Variants in ANK1 observed in about 807,000 individuals in gnomAD.
ANK1 encodes the protein ankyrin 1.
ANK1 carries 51 observed loss-of-function variants against 210.4 expected under a neutral mutation model. The observed-to-expected ratio is 0.24, with a 90% confidence interval of 0.19 to 0.31. ANK1 has a LOEUF of 0.31. Among genes scored for constraint, ANK1 ranks in the 10% least tolerant of loss-of-function variants. The probability of loss-of-function intolerance (pLI) is 1.00; values close to 1 mark genes in which losing one functional copy is unlikely to be tolerated. For missense variants in ANK1, 2,051 were observed against 2,504.4 expected (o/e 0.82, Z 3.86); for synonymous variants, 967 against 1,025.9 (o/e 0.94, Z 1.10).
At chr8:41,821,199 G>A (rs1218208281) in intron 1 of ANK1, among the ~76,000 whole-genome samples, 2 of 152,124 alleles carry the variant, frequency 1.3e-5, no homozygotes, top group Non-Finnish European at 2.9e-5. Flanking sequence ...AGCCCCATCA[G>A]TCTACAAAAT....
chr8:41,779,599 G>A (rs1409057476), intron 1 of ANK1, among the ~76,000 whole-genome samples: 1 of 151,196 alleles, frequency 6.6e-6, no homozygotes, highest in Non-Finnish European at 1.5e-5. Context: ...CACTGGTGGA[G>A]GAACAAAAGA....
intron 24 of ANK1, 23 bp from the exon 25 acceptor site, chr8:41,696,796 C>A (rs1431976399): frequency 1.3e-6 from 2 of 1,587,294 alleles, no homozygotes; most frequent in Non-Finnish European, 1.7e-6. Flanking sequence ...AAAGGGTCCT[C>A]CTGTCCCACC....
chr8:41,715,430 G>T (rs745925731), intron 14 of ANK1, among the ~76,000 whole-genome samples: 4 of 152,248 alleles, frequency 2.6e-5, no homozygotes, highest in Non-Finnish European at 5.9e-5. Context: ...ATGTATGAAG[G>T]CTGGCTGGGT....
At chr8:41,695,837 T>C (rs1210879849) in intron 26 of ANK1, among the ~76,000 whole-genome samples, 2 of 152,172 alleles carry the variant, frequency 1.3e-5, no homozygotes, top group African/African-American at 4.8e-5. Context: ...AACACACCCA[T>C]GGTGCCTGAG....
intron 3 of ANK1, among the ~76,000 whole-genome samples, chr8:41,730,833 C>T (rs1832018502): frequency 6.6e-6 from 1 of 152,204 alleles, no homozygotes; most frequent in Non-Finnish European, 1.5e-5. Context: ...CCACATGCTT[C>T]CTGGGCATAA....
At chr8:41,663,117 T>C (rs1388556460) in intron 40 of ANK1, among the ~76,000 whole-genome samples, 1 of 145,912 alleles carries the variant, frequency 6.9e-6, no homozygotes, top group Non-Finnish European at 1.5e-5. Context: ...TCTCTCTCTG[T>C]GTGTGTGTGT....
At chr8:41,673,825 A>G (rs1251178892) in intron 37 of ANK1, among the ~76,000 whole-genome samples, 1 of 152,156 alleles carries the variant, frequency 6.6e-6, no homozygotes, top group African/African-American at 2.4e-5. Flanking sequence ...ACTAGAAGAC[A>G]AGATTCTCCA....
At chr8:41,730,741 C>T (rs2150667954) in intron 3 of ANK1, among the ~76,000 whole-genome samples, 1 of 152,330 alleles carries the variant, frequency 6.6e-6, no homozygotes, top group African/African-American at 2.4e-5. Context: ...CTTTTCTAGA[C>T]ACCAGGACGC....
chr8:41,739,068 C>A (rs1397937456), intron 2 of ANK1, among the ~76,000 whole-genome samples: 2 of 152,244 alleles, frequency 1.3e-5, no homozygotes, highest in Non-Finnish European at 1.5e-5. Context: ...CCTACAGATA[C>A]TGCCTTCTGG....
chr8:41,893,921 T>A (rs1439724952), intron 1 of ANK1, among the ~76,000 whole-genome samples: 2 of 152,196 alleles, frequency 1.3e-5, no homozygotes, highest in Non-Finnish European at 2.9e-5. Flanking sequence ...ACCTTTGAGT[T>A]AGCCCTAGGC....
intron 17 of ANK1, among the ~76,000 whole-genome samples, chr8:41,706,732 C>T (rs902494971): frequency 6.6e-6 from 1 of 152,188 alleles, no homozygotes; most frequent in Non-Finnish European, 1.5e-5. Context: ...TAGGGGTTAT[C>T]ATGGATCCAT....
chr8:41,832,874 A>G lies in ANK1; in HGVS notation c.126+63481T>C, dbSNP rs1806939356. 3.3e-5 allele frequency among the ~76,000 whole-genome samples: 5 copies of G among 152,202 alleles called. No individual in the cohort carries two copies. The South Asian group carries it at 8.3e-4, about 25-fold the overall frequency. ...GCCTATGGTCACCACACCAGAAGGT[A>G]ATCCATTACATCTCAGTAACTGTAG... On this transcript the variant is annotated intron_variant, in intron 1 of 42. Coordinates refer to the ANK1 transcript ENST00000265709.
intron 2 of ANK1, among the ~76,000 whole-genome samples, chr8:41,744,430 A>C (rs1246322533): frequency 1.3e-5 from 2 of 152,130 alleles, no homozygotes; most frequent in Non-Finnish European, 2.9e-5. Flanking sequence ...ATCAATTACA[A>C]AGGGAAAAGC....
intron 1 of ANK1, among the ~76,000 whole-genome samples, chr8:41,802,993 G>GAA (rs1850172706): frequency 1.8e-4 from 12 of 66,682 alleles, no homozygotes; most frequent in South Asian, 6.8e-4. Context: ...AAGAGAGAAA[G>GAA]AGAGAAAGAA....
At chr8:41,750,903 T>C (rs977308281) in intron 2 of ANK1, among the ~76,000 whole-genome samples, 2 of 152,190 alleles carry the variant, frequency 1.3e-5, no homozygotes, top group African/African-American at 4.8e-5. Flanking sequence ...TTCTTTGCTA[T>C]CAGGAAGGCC....
At chr8:41,718,736 G>A (rs151337199) in intron 10 of ANK1, among the ~76,000 whole-genome samples, 2,108 of 152,254 alleles carry the variant, frequency 0.014, 27 homozygotes, top group Non-Finnish European at 0.022. Flanking sequence ...GGTGGTGGGG[G>A]GGTATCGTTT....
At chr8:41,740,125 A>C (rs1834392558) in intron 2 of ANK1, among the ~76,000 whole-genome samples, 1 of 149,648 alleles carries the variant, frequency 6.7e-6, no homozygotes. Context: ...CCCCAGCAGT[A>C]GTCGACCCCT....
At chr8:41,814,726 A>AT (rs57383349) in intron 1 of ANK1, among the ~76,000 whole-genome samples, 66,033 of 150,416 alleles carry the variant, frequency 0.44, 14,837 homozygotes, top group African/African-American at 0.51. Context: ...TTAGATTCTT[A>AT]TTTTTTTTTA....
chr8:41,720,493 A>T (rs912892872), intron 9 of ANK1, among the ~76,000 whole-genome samples: 1 of 152,188 alleles, frequency 6.6e-6, no homozygotes, highest in Non-Finnish European at 1.5e-5. Flanking sequence ...AAGAGAGAGG[A>T]GACTCATTCA....
Sources: allele counts gnomAD v4.1 joint callset (sites outside exome capture counted in the v4.1 genomes callset), GRCh38; gene constraint gnomAD v4.1.1; transcripts MANE v1.5; gene names NCBI Gene and HGNC (gene_info 2026-07-23, HGNC 2026-07-21).